SOX5: variants seen among roughly 807,000 people sequenced by gnomAD.
SOX5 encodes transcription factor SOX-5.
SOX5 carries 9 observed loss-of-function variants against 92.0 expected under a neutral mutation model. That is an observed-to-expected ratio of 0.10 (90% CI 0.06 to 0.17). The LOEUF is 0.17. Ranked by LOEUF, SOX5 falls within the 10% of genes least tolerant of loss-of-function variation. The pLI is 1.00. For synonymous variants in SOX5, 344 were observed against 336.3 expected, an observed-to-expected ratio of 1.02 and a Z score of -0.25; for missense variants, 642 against 944.5, an observed-to-expected ratio of 0.68 and a Z score of 4.20.
chr12:24,171,180 G>GT (rs1265083572), intron 4 of SOX5, among the ~76,000 whole-genome samples: 2 of 52,956 alleles, frequency 3.8e-5, no homozygotes, highest in Admixed American at 1.9e-4. Flanking sequence ...AGTGATTTTA[G>GT]TTTTTTCTTT....
chr12:24,057,855 A>G (rs561301284), intron 4 of SOX5, among the ~76,000 whole-genome samples: 1 of 152,386 alleles, frequency 6.6e-6, no homozygotes, highest in Non-Finnish European at 1.5e-5. Flanking sequence ...AATGTAGCCA[A>G]TAGCAGAAAT....
intron 1 of SOX5, among the ~76,000 whole-genome samples, chr12:23,903,526 T>C (rs2097259383): frequency 6.6e-6 from 1 of 152,156 alleles, no homozygotes; most frequent in South Asian, 2.1e-4. Flanking sequence ...AAGGCTGCAG[T>C]GAGCTATGAT....
chr12:24,556,648 C>T (rs891859186), intron 1 of SOX5, among the ~76,000 whole-genome samples: 7 of 152,136 alleles, frequency 4.6e-5, no homozygotes, highest in African/African-American at 9.7e-5. Flanking sequence ...AAAAAGATAA[C>T]AAGAGGAAAA....
At chr12:23,575,572 A>G (rs1313473854) in intron 10 of SOX5, 89 bp downstream of exon 10, 1 of 1,241,416 alleles carries the variant, frequency 8.1e-7, no homozygotes, top group African/African-American at 1.5e-5. Flanking sequence ...CAAGCCGTGT[A>G]TAGAGTGGGT....
At chr12:23,978,535 T>C (rs1160487158) in intron 4 of SOX5, among the ~76,000 whole-genome samples, 1 of 152,220 alleles carries the variant, frequency 6.6e-6, no homozygotes, top group Admixed American at 6.5e-5. Context: ...TCAATGCACC[T>C]TATAATCATT....
Position 23,665,353 on chromosome 12 carries a change from T to C in SOX5, c.931+91A>G, listed in dbSNP as rs575297104. On this transcript the variant is annotated intron_variant, in intron 7 of 14. Transcript: ENST00000451604. ...TAAAATAAAAATGCTATATGGGTGA[T>C]CTCATTTCTTGGTGTGGCAGGAATA... is the stretch of plus-strand genomic sequence containing the variant. 3.6e-5 allele frequency: 49 copies of C among 1,366,396 alleles called. No homozygotes were observed. In the South Asian group the frequency reaches 5.6e-4, roughly 16 times the overall value. The allele number at this position is 1,366,396 out of a possible 1,614,324, so 84.6% of individuals were successfully genotyped here. A position where few individuals can be genotyped will look rare whatever the true frequency, so the allele number is the denominator to read the frequency against.
At chr12:24,294,021 T>C (rs981433912) in intron 2 of SOX5, among the ~76,000 whole-genome samples, 1 of 152,172 alleles carries the variant, frequency 6.6e-6, no homozygotes, top group Non-Finnish European at 1.5e-5. Context: ...CAGCCTTAAG[T>C]CCTGGAAAAA....
At chr12:24,443,771 AC>A (rs1705377950) in intron 1 of SOX5, among the ~76,000 whole-genome samples, 1 of 152,240 alleles carries the variant, frequency 6.6e-6, no homozygotes, top group Admixed American at 6.5e-5. Flanking sequence ...ACAGGTTGAG[AC>A]TTGAGTTTCC....
chr12:23,562,282 G>C (rs1946347685), intron 11 of SOX5, among the ~76,000 whole-genome samples: 1 of 152,182 alleles, frequency 6.6e-6, no homozygotes, highest in Non-Finnish European at 1.5e-5. Flanking sequence ...ACCAGGGAAA[G>C]AGCAGTTGTG....
At chr12:23,865,904 T>G (rs549755751) in intron 2 of SOX5, among the ~76,000 whole-genome samples, 21 of 152,280 alleles carry the variant, frequency 1.4e-4, no homozygotes, top group African/African-American at 4.6e-4. Context: ...GCTCAAGACT[T>G]CAGTGGAGGA....
chr12:24,114,547 G>C (rs1054023649), intron 4 of SOX5, among the ~76,000 whole-genome samples: 1 of 111,298 alleles, frequency 9.0e-6, no homozygotes, highest in African/African-American at 3.6e-5. Flanking sequence ...CTGCACTCCA[G>C]CCTGGTGACA....
chr12:23,861,605 C>T (rs2096758052), intron 2 of SOX5, among the ~76,000 whole-genome samples: 1 of 152,078 alleles, frequency 6.6e-6, no homozygotes, highest in Non-Finnish European at 1.5e-5. Flanking sequence ...CTTAAAAATG[C>T]CGATTGATAA....
At position 23,988,345 on chromosome 12, in the gene SOX5, C is replaced by T. The variant is rs16926929; in HGVS notation, c.-1-92321G>A. 8.3e-3 allele frequency among the ~76,000 whole-genome samples: 1,259 copies of T among 152,168 alleles called. 24 individuals carry two copies. The highest frequency in any genetic ancestry group is 0.029 in the African/African-American group (1,198 of 41,520). Reference sequence around the variant, plus strand: ...GAAACATAGGCAAGGAGATCCCAACCTTTAGAGTGAGCAGACTAGTAAGAG... The same window carrying T: ...GAAACATAGGCAAGGAGATCCCAACTTTTAGAGTGAGCAGACTAGTAAGAG... On this transcript the variant is annotated intron_variant, in intron 4 of 4. Transcript: ENST00000446891.
intron 1 of SOX5, among the ~76,000 whole-genome samples, chr12:24,390,212 A>G (rs1958845595): frequency 6.6e-6 from 1 of 152,132 alleles, no homozygotes. Context: ...CAATTATTTT[A>G]CACACGTAAC....
chr12:23,741,241 G>A (rs192657568), intron 4 of SOX5, among the ~76,000 whole-genome samples: 1 of 152,140 alleles, frequency 6.6e-6, no homozygotes, highest in East Asian at 1.9e-4. Flanking sequence ...AATGAACTTG[G>A]CTCTCTGGCA....
chr12:23,779,814 T>TATATATATATACACACACAC (rs777013504), intron 3 of SOX5, among the ~76,000 whole-genome samples: 17 of 110,796 alleles, frequency 1.5e-4, no homozygotes, highest in African/African-American at 6.3e-4. Flanking sequence ...TATATATATA[T>TATATATATATACACACACAC]ACACACACAC....
At chr12:23,732,895 AT>A (rs1453649875) in intron 6 of SOX5, among the ~76,000 whole-genome samples, 4 of 152,132 alleles carry the variant, frequency 2.6e-5, no homozygotes, top group Non-Finnish European at 4.4e-5. Flanking sequence ...AGAACATATA[AT>A]TTTTAAGTGC....
chr12:24,379,417 T>C (rs1311247749), intron 1 of SOX5, among the ~76,000 whole-genome samples: 5 of 152,206 alleles, frequency 3.3e-5, no homozygotes, highest in African/African-American at 1.2e-4. Context: ...ACGGATAGCA[T>C]GCACCCTCTA....
chr12:23,765,516 A>T (rs2094698215), intron 3 of SOX5, among the ~76,000 whole-genome samples: 1 of 151,924 alleles, frequency 6.6e-6, no homozygotes, highest in Admixed American at 6.6e-5. Flanking sequence ...GCCTGGATAC[A>T]CAGAAAAAGA....
Sources: allele counts gnomAD v4.1 joint callset (sites outside exome capture counted in the v4.1 genomes callset), GRCh38; gene constraint gnomAD v4.1.1; transcripts MANE v1.5; gene names NCBI Gene and HGNC (gene_info 2026-07-23, HGNC 2026-07-21).